Variants in NRXN1 observed in about 807,000 individuals in gnomAD.
NRXN1 encodes neurexin 1.
NRXN1 carries 39 observed loss-of-function variants against 150.9 expected under a neutral mutation model. That is an observed-to-expected ratio of 0.26 (90% confidence interval 0.20 to 0.34). NRXN1 has a LOEUF of 0.34. Among genes scored for constraint, NRXN1 ranks in the 10% least tolerant of loss-of-function variants. The pLI, the probability that NRXN1 is intolerant of heterozygous loss-of-function variation, is 1.00. For synonymous variants in NRXN1, 924 were observed against 757.0 expected (o/e 1.22, Z -3.62); for missense variants, 1,815 against 1,949.9 (o/e 0.93, Z 1.30).
At chr2:50,692,160 A>C (rs1368758477) in intron 5 of NRXN1, among the ~76,000 whole-genome samples, 2 of 152,148 alleles carry the variant, frequency 1.3e-5, no homozygotes, top group Non-Finnish European at 2.9e-5. Context: ...AAGAAATTTT[A>C]CAGAAAAAAA....
intron 21 of NRXN1, among the ~76,000 whole-genome samples, chr2:49,958,536 C>T (rs1675371405): frequency 6.6e-6 from 1 of 152,142 alleles, no homozygotes; most frequent in Non-Finnish European, 1.5e-5. Flanking sequence ...CTGCCCTCTT[C>T]CCTTCGTTAT....
At chr2:50,803,117 G>C (rs1055679123) in intron 5 of NRXN1, among the ~76,000 whole-genome samples, 2 of 152,006 alleles carry the variant, frequency 1.3e-5, no homozygotes, top group African/African-American at 4.8e-5. Context: ...AGGATAATAA[G>C]AAAAGAAAAT....
intron 2 of NRXN1, chr2:50,979,219 T>C (rs1187255896): frequency 1.9e-6 from 1 of 514,544 alleles, no homozygotes; most frequent in East Asian, 5.5e-5. Flanking sequence ...TCCTCTGTGA[T>C]ATGAGAAAAG....
At chr2:50,928,694 C>T (rs971731031) in intron 2 of NRXN1, among the ~76,000 whole-genome samples, 2 of 152,016 alleles carry the variant, frequency 1.3e-5, no homozygotes, top group African/African-American at 2.4e-5. Flanking sequence ...TGAATTTTGG[C>T]ATGCCACGGT....
intron 17 of NRXN1, among the ~76,000 whole-genome samples, chr2:50,361,490 T>A (rs1230237049): frequency 6.6e-6 from 1 of 152,066 alleles, no homozygotes; most frequent in Non-Finnish European, 1.5e-5. Context: ...AACACCTCTA[T>A]GCAAATAAAC....
In NRXN1 at chr2:50,503,951, C is replaced by T. The variant is rs544148584; in HGVS notation, c.2497+2544G>A. Among the ~76,000 whole-genome samples the T allele has an allele frequency of 7.7e-4, 117 of 152,000 alleles. 1 individual carries two copies. The highest frequency in any genetic ancestry group is 2.6e-3 in the African/African-American group (107 of 41,468). On this transcript the variant is annotated intron_variant, in intron 13 of 22. Coordinates refer to ENST00000401669, the MANE Select transcript of NRXN1 (RefSeq NM_001330078.2). The stretch of plus-strand genomic sequence containing the variant: ...TATAGAGGCCATAACATCAACAACG[C>T]GGTATTTCACCCAAGAATGTAAAAT...
intron 5 of NRXN1, among the ~76,000 whole-genome samples, chr2:50,653,888 T>C (rs1026162636): frequency 5.9e-5 from 9 of 151,840 alleles, no homozygotes; most frequent in Admixed American, 4.6e-4. Context: ...GTTTCCTTCA[T>C]TTTCTTTTGT....
At chr2:50,501,427 T>TGTGTGTGTGTGTGTG (rs2091940471) in intron 13 of NRXN1, among the ~76,000 whole-genome samples, 1 of 53,010 alleles carries the variant, frequency 1.9e-5, no homozygotes, top group Admixed American at 1.8e-4. Flanking sequence ...GTGTGTGTGT[T>TGTGTGTGTGTGTGTG]TATTCCCTTT....
chr2:50,445,731 G>A (rs2086344172), intron 17 of NRXN1, among the ~76,000 whole-genome samples: 1 of 152,146 alleles, frequency 6.6e-6, no homozygotes, highest in African/African-American at 2.4e-5. Context: ...CATATGAAAG[G>A]ACTTTCACAG....
rs1677356426 is a variant in NRXN1, at chr2:50,868,916, T to C, written c.832+52953A>G. Among the ~76,000 whole-genome samples the C allele has an allele frequency of 1.2e-4, 18 of 152,006 alleles. No homozygotes were observed. In the South Asian group the frequency reaches 3.7e-3, roughly 31 times the overall value. Reference sequence around the variant, plus strand: ...AACATAATTAAGAAATATAAAAGCTTATCATCTTGAAAAATTAGTTCCTAA... The same window carrying C: ...AACATAATTAAGAAATATAAAAGCTCATCATCTTGAAAAATTAGTTCCTAA... On this transcript the variant is annotated intron_variant, in intron 5 of 22. Transcript: ENST00000401669.
At chr2:50,018,032 G>C (rs1280295929) in intron 21 of NRXN1, among the ~76,000 whole-genome samples, 2 of 152,146 alleles carry the variant, frequency 1.3e-5, no homozygotes, top group African/African-American at 4.8e-5. Context: ...TTAACAGTTT[G>C]ATAAACTTTT....
intron 18 of NRXN1, among the ~76,000 whole-genome samples, chr2:50,110,837 T>C (rs925363618): frequency 1.3e-5 from 2 of 152,302 alleles, no homozygotes; most frequent in African/African-American, 4.8e-5. Flanking sequence ...TTATTAGTTA[T>C]AAAATTTTTC....
chr2:50,851,264 T>C (rs754071546), intron 5 of NRXN1, among the ~76,000 whole-genome samples: 2 of 152,102 alleles, frequency 1.3e-5, no homozygotes, highest in African/African-American at 2.4e-5. Flanking sequence ...GGTGACGGGA[T>C]AAGACTGGTT....
chr2:50,785,368 C>G (rs1704961163), intron 5 of NRXN1, among the ~76,000 whole-genome samples: 1 of 151,534 alleles, frequency 6.6e-6, no homozygotes, highest in African/African-American at 2.4e-5. Context: ...CCTGCCTCAG[C>G]CTCCCGAGTA....
chr2:50,541,642 G>T (rs984591941), intron 9 of NRXN1, among the ~76,000 whole-genome samples: 3 of 151,744 alleles, frequency 2.0e-5, no homozygotes, highest in African/African-American at 7.3e-5. Context: ...TCTGAACACG[G>T]TCATAGAGAC....
intron 21 of NRXN1, among the ~76,000 whole-genome samples, chr2:50,029,000 G>T (rs1245668984): frequency 6.6e-6 from 1 of 152,168 alleles, no homozygotes; most frequent in African/African-American, 2.4e-5. Flanking sequence ...GAATGTTTGT[G>T]TTTTCCCCAA....
intron 18 of NRXN1, among the ~76,000 whole-genome samples, chr2:50,225,066 T>C (rs1162586204): frequency 6.6e-6 from 1 of 152,020 alleles, no homozygotes; most frequent in African/African-American, 2.4e-5. Context: ...ATCCATTTCA[T>C]GACAGGCCTC....
At chr2:50,289,765 A>T (rs2072676166) in intron 17 of NRXN1, among the ~76,000 whole-genome samples, 1 of 152,152 alleles carries the variant, frequency 6.6e-6, no homozygotes, top group African/African-American at 2.4e-5. Flanking sequence ...CAAAACACAC[A>T]GTACCTTACT....
At chr2:50,503,685 T>C (rs1157290537) in intron 13 of NRXN1, among the ~76,000 whole-genome samples, 3 of 152,184 alleles carry the variant, frequency 2.0e-5, no homozygotes, top group Non-Finnish European at 4.4e-5. Flanking sequence ...AATCATTTTT[T>C]GTAACTCTCA....
Sources: gnomAD v4.1 joint callset for allele counts (sites outside exome capture counted in the v4.1 genomes callset) on GRCh38, gnomAD v4.1.1 for gene constraint, MANE v1.5 for transcripts, NCBI Gene and HGNC (gene_info 2026-07-23, HGNC 2026-07-21) for gene names.